Variants in CCDC192 observed in about 807,000 individuals in gnomAD.
CCDC192 encodes the protein coiled-coil domain containing 192.
chr5:127,816,233 A>T (rs1002837269), intron 5 of CCDC192, among the ~76,000 whole-genome samples: 4 of 152,202 alleles, frequency 2.6e-5, no homozygotes, highest in African/African-American at 9.7e-5. Flanking sequence ...AAACATTACA[A>T]AGGGTTCAAA....
chr5:127,858,982 A>G (rs1486966492), intron 5 of CCDC192, among the ~76,000 whole-genome samples: 4 of 152,236 alleles, frequency 2.6e-5, no homozygotes, highest in African/African-American at 7.2e-5. Context: ...GTATAGATGT[A>G]CTAAATTAAA....
At chr5:127,807,636 A>G (rs1383006846) in intron 5 of CCDC192, among the ~76,000 whole-genome samples, 2 of 152,130 alleles carry the variant, frequency 1.3e-5, no homozygotes, top group African/African-American at 4.8e-5. Flanking sequence ...TCTTCAATTC[A>G]AGAAATATCA....
chr5:127,822,857 C>T (rs1433254793), intron 5 of CCDC192, among the ~76,000 whole-genome samples: 1 of 152,192 alleles, frequency 6.6e-6, no homozygotes, highest in Non-Finnish European at 1.5e-5. Flanking sequence ...CCCAAGTCCT[C>T]AGGCCCCTGA....
At chr5:127,932,153 CA>C (rs571133232) in intron 6 of CCDC192, among the ~76,000 whole-genome samples, 1,249 of 72,264 alleles carry the variant, frequency 0.017, 6 homozygotes, top group South Asian at 0.053. Context: ...GACTCCGTCT[CA>C]AAAAAAAAAA....
At chr5:127,842,716 G>A (rs1237591081) in intron 5 of CCDC192, among the ~76,000 whole-genome samples, 1 of 152,112 alleles carries the variant, frequency 6.6e-6, no homozygotes, top group East Asian at 1.9e-4. Context: ...AAGCTAACTG[G>A]TCTAGAGTTG....
chr5:127,886,089 GC>G (rs905699958), intron 6 of CCDC192, among the ~76,000 whole-genome samples: 1 of 152,116 alleles, frequency 6.6e-6, no homozygotes, highest in Non-Finnish European at 1.5e-5. Context: ...AAATGTTACT[GC>G]TCTTCTGCAC....
chr5:127,746,951 G>C (rs1753785088), intron 2 of CCDC192, among the ~76,000 whole-genome samples: 1 of 151,986 alleles, frequency 6.6e-6, no homozygotes, highest in South Asian at 2.1e-4. Context: ...TTTACCACCA[G>C]ATGGCTCTAT....
intron 5 of CCDC192, among the ~76,000 whole-genome samples, chr5:127,866,074 C>T (rs570661888): frequency 6.6e-5 from 10 of 152,092 alleles, no homozygotes; most frequent in African/African-American, 1.9e-4. Flanking sequence ...ACGCTATCTG[C>T]GGTTCTAGAT....
intron 5 of CCDC192, among the ~76,000 whole-genome samples, chr5:127,803,083 T>A (rs897226954): frequency 2.6e-5 from 4 of 152,222 alleles, no homozygotes; most frequent in Non-Finnish European, 5.9e-5. Flanking sequence ...AAAGGAAACA[T>A]GGTCTTAACA....
At chr5:127,927,503 G>T (rs1194184186) in intron 6 of CCDC192, among the ~76,000 whole-genome samples, 1 of 152,088 alleles carries the variant, frequency 6.6e-6, no homozygotes, top group Admixed American at 6.5e-5. Flanking sequence ...TCATCCAAGA[G>T]CTTTGACTGC....
At chr5:127,741,601 A>C (rs1753424832) in intron 2 of CCDC192, among the ~76,000 whole-genome samples, 1 of 152,338 alleles carries the variant, frequency 6.6e-6, no homozygotes, top group African/African-American at 2.4e-5. Flanking sequence ...TCTGTTGCTC[A>C]TAAATCAAAA....
At chr5:127,827,608 G>A (rs76259556) in intron 5 of CCDC192, among the ~76,000 whole-genome samples, 2,220 of 152,294 alleles carry the variant, frequency 0.015, 48 homozygotes, top group African/African-American at 0.05. Flanking sequence ...AGAATTGGGC[G>A]TGGTCTGCGG....
intron 2 of CCDC192, among the ~76,000 whole-genome samples, chr5:127,749,773 T>G (rs568119674): frequency 1.3e-5 from 2 of 152,364 alleles, no homozygotes; most frequent in African/African-American, 4.8e-5. Flanking sequence ...AGCTATTGAT[T>G]ATTGCCACAA....
intron 2 of CCDC192, among the ~76,000 whole-genome samples, chr5:127,717,628 T>C (rs1751699014): frequency 6.6e-6 from 1 of 152,002 alleles, no homozygotes; most frequent in South Asian, 2.1e-4. Flanking sequence ...ATAATTTATT[T>C]CTCCTTCATA....
At chr5:127,804,984 C>T (rs1259451983) in intron 5 of CCDC192, among the ~76,000 whole-genome samples, 1 of 152,136 alleles carries the variant, frequency 6.6e-6, no homozygotes, top group South Asian at 2.1e-4. Context: ...AGCCTGATTC[C>T]TAGTGCAGTG....
intron 6 of CCDC192, among the ~76,000 whole-genome samples, chr5:127,931,649 T>C (rs1391298160): frequency 6.6e-6 from 1 of 152,104 alleles, no homozygotes; most frequent in Non-Finnish European, 1.5e-5. Flanking sequence ...TCAGATTTCC[T>C]TGGGAAGCTC....
chr5:127,828,763 C>T (rs245314), intron 5 of CCDC192, among the ~76,000 whole-genome samples: 54,547 of 151,892 alleles, frequency 0.36, 10,114 homozygotes, highest in East Asian at 0.46. Flanking sequence ...GAGGTGAGAA[C>T]ATCAAGGAGA....
intron 5 of CCDC192, among the ~76,000 whole-genome samples, chr5:127,869,652 C>A (rs1236176022): frequency 6.6e-6 from 1 of 152,080 alleles, no homozygotes; most frequent in Non-Finnish European, 1.5e-5. Flanking sequence ...TTGTCAAATG[C>A]CACTTCTGTA....
chr5:127,843,515 A>G (rs1289555678), intron 5 of CCDC192, among the ~76,000 whole-genome samples: 1 of 147,650 alleles, frequency 6.8e-6, no homozygotes, highest in East Asian at 2.0e-4. Context: ...TTGGCTTACT[A>G]CAACCTCTAC....
Sources: allele counts gnomAD v4.1 joint callset (sites outside exome capture counted in the v4.1 genomes callset), GRCh38; gene constraint gnomAD v4.1.1; transcripts MANE v1.5; gene names NCBI Gene and HGNC (gene_info 2026-07-23, HGNC 2026-07-21).